Variants in MAGI1 observed in about 807,000 individuals in gnomAD.
The protein encoded by MAGI1 is membrane associated guanylate kinase, WW and PDZ domain containing 1.
A neutral mutation model predicts 139.9 loss-of-function variants in MAGI1; 58 were observed. The observed-to-expected ratio is 0.41, with a 90% CI of 0.34 to 0.52. The LOEUF (loss-of-function observed/expected upper bound fraction) is 0.52, where lower values mean the gene tolerates loss of function less well. Among genes scored for constraint, MAGI1 ranks in the 20% least tolerant of loss-of-function variants. MAGI1 has a pLI of 0.12. For synonymous variants in MAGI1, 812 were observed against 737.9 expected, an observed-to-expected ratio of 1.10 and a Z score of -1.63; for missense variants, 1,874 against 1,901.6, an observed-to-expected ratio of 0.99 and a Z score of 0.27.
chr3:65,443,621 T>G (rs186661938), intron 7 of MAGI1, among the ~76,000 whole-genome samples: 1 of 152,328 alleles, frequency 6.6e-6, no homozygotes, highest in Admixed American at 6.5e-5. Context: ...CAAGAATCTG[T>G]TGTGGAAAGG....
At chr3:65,389,549 G>A (rs767208115) in intron 14 of MAGI1, among the ~76,000 whole-genome samples, 5 of 152,154 alleles carry the variant, frequency 3.3e-5, no homozygotes, top group East Asian at 1.9e-4. Flanking sequence ...AGAGAAATGC[G>A]CGGGGAATGT....
chr3:65,392,413 T>C (rs529518436), intron 13 of MAGI1, among the ~76,000 whole-genome samples: 27 of 152,202 alleles, frequency 1.8e-4, no homozygotes, highest in Non-Finnish European at 2.6e-4. Flanking sequence ...CATGTCACTA[T>C]ACTTAGCTGA....
intron 1 of MAGI1, among the ~76,000 whole-genome samples, chr3:65,814,576 T>C (rs1397425216): frequency 6.6e-6 from 1 of 152,182 alleles, no homozygotes; most frequent in Non-Finnish European, 1.5e-5. Context: ...TTTTTTGTTC[T>C]GTTTTGTTTT....
intron 1 of MAGI1, among the ~76,000 whole-genome samples, chr3:65,863,582 G>A (rs1240310790): frequency 2.0e-5 from 3 of 152,156 alleles, no homozygotes; most frequent in Non-Finnish European, 4.4e-5. Context: ...TTTGTTGACA[G>A]CCCTGGTTGA....
intron 1 of MAGI1, among the ~76,000 whole-genome samples, chr3:65,631,074 G>C (rs1201408887): frequency 6.6e-6 from 1 of 152,208 alleles, no homozygotes; most frequent in Non-Finnish European, 1.5e-5. Context: ...GAAGTCAGAA[G>C]AAGCCAGTAG....
intron 1 of MAGI1, among the ~76,000 whole-genome samples, chr3:65,845,257 A>T (rs1313560902): frequency 6.6e-6 from 1 of 151,950 alleles, no homozygotes; most frequent in African/African-American, 2.4e-5. Flanking sequence ...ATCTCAAAAA[A>T]AAAAAGAGAA....
chr3:66,002,578 C>T (rs1042571617), intron 1 of MAGI1, among the ~76,000 whole-genome samples: 1 of 152,096 alleles, frequency 6.6e-6, no homozygotes, highest in African/African-American at 2.4e-5. Context: ...TACAGTGGCG[C>T]GATCTCGACT....
chr3:65,610,701 A>G (rs2083003675), intron 2 of MAGI1, among the ~76,000 whole-genome samples: 1 of 128,280 alleles, frequency 7.8e-6, no homozygotes, highest in Admixed American at 8.2e-5. Context: ...ACGGGAAAGG[A>G]GAAAAACGTC....
intron 2 of MAGI1, chr3:65,619,864 T>C (rs2083574615): frequency 2.0e-6 from 2 of 985,174 alleles, no homozygotes; most frequent in African/African-American, 1.7e-5. Context: ...TTTTCTCTTT[T>C]AGTAGGAACA....
intron 2 of MAGI1, among the ~76,000 whole-genome samples, chr3:65,603,255 T>C (rs1330547506): frequency 6.6e-6 from 1 of 152,180 alleles, no homozygotes; most frequent in Admixed American, 6.5e-5. Context: ...ATATATTTTC[T>C]ACAGGTTCAT....
intron 1 of MAGI1, among the ~76,000 whole-genome samples, chr3:65,694,584 G>C (rs371638056): frequency 6.6e-6 from 1 of 152,202 alleles, no homozygotes; most frequent in African/African-American, 2.4e-5. Context: ...GACTTAATCA[G>C]GACAGTTTCG....
chr3:65,443,302 A>C (rs1199854840), intron 7 of MAGI1, among the ~76,000 whole-genome samples: 6 of 152,184 alleles, frequency 3.9e-5, no homozygotes, highest in African/African-American at 1.4e-4. Context: ...TAAAATCTGC[A>C]TGTTATCTTC....
rs1949130143 is a variant in MAGI1, at chr3:65,452,978, C to G, written c.1042+280G>C. On this transcript the variant is annotated intron_variant, in intron 6 of 22. Coordinates refer to ENST00000402939, the MANE Select transcript of MAGI1 (RefSeq NM_001033057.2). Reference sequence around the variant, plus strand: ...ACTTTCTAGAATTTACTCTAAGTTCCTGAAGACAGAGGACGTATCTTCATT... The same window carrying G: ...ACTTTCTAGAATTTACTCTAAGTTCGTGAAGACAGAGGACGTATCTTCATT... 3.7e-5 allele frequency: 12 copies of G among 322,626 alleles called. No individual in the cohort carries two copies. In the South Asian group the frequency reaches 7.4e-4, roughly 20 times the overall value. The allele number at this position is 322,626 out of a possible 1,614,324, so 20.0% of individuals were successfully genotyped here.
At chr3:65,468,739 T>C (rs1228455024) in intron 5 of MAGI1, among the ~76,000 whole-genome samples, 1 of 151,980 alleles carries the variant, frequency 6.6e-6, no homozygotes, top group Admixed American at 6.6e-5. Flanking sequence ...AGAAAAATCA[T>C]ACTACCTAAT....
intron 1 of MAGI1, among the ~76,000 whole-genome samples, chr3:65,749,216 G>C (rs1364695003): frequency 6.6e-6 from 1 of 152,162 alleles, no homozygotes; most frequent in Non-Finnish European, 1.5e-5. Flanking sequence ...TAAATGAAGA[G>C]AGTGCCCAAT....
chr3:66,032,931 AAAAC>A (rs1441211818), intron 1 of MAGI1, among the ~76,000 whole-genome samples: 5 of 150,702 alleles, frequency 3.3e-5, no homozygotes, highest in East Asian at 2.0e-4. Context: ...AAAAAAAAAA[AAAAC>A]AACAACAACA....
At chr3:65,812,458 T>TCACACACACACACACACACACA (rs779884222) in intron 1 of MAGI1, among the ~76,000 whole-genome samples, 1 of 101,620 alleles carries the variant, frequency 9.8e-6, no homozygotes, top group Non-Finnish European at 1.9e-5. Flanking sequence ...TCTCTCTCTC[T>TCACACACACACACACACACACA]CTCTCTCTCT....
At position 65,356,902 on chromosome 3, in the gene MAGI1, GT is replaced by G; in HGVS notation, c.3864del (p.Lys1288AsnfsTer147). On this transcript the variant is annotated frameshift_variant, in exon 23 of 23. Transcript: ENST00000402939. LOFTEE classifies it low-confidence loss of function (END_TRUNC). ...EHHTWNGTSR[K>X]PDSGACRPKD... is the part of the protein sequence containing the mutation. ...TTGGGTCGGCATGCCCCGCTGTCGG[GT>G]TTCCTCGAAGTCCCATTCCAGGTGT... 2 of 1,614,160 alleles carry G rather than the reference GT, an allele frequency of 1.2e-6. No individual in the cohort carries two copies. The highest frequency in any genetic ancestry group is 1.7e-6 in the Non-Finnish European group (2 of 1,180,004).
intron 1 of MAGI1, among the ~76,000 whole-genome samples, chr3:65,999,290 T>C (rs1168076180): frequency 2.0e-5 from 3 of 152,098 alleles, no homozygotes; most frequent in Admixed American, 2.0e-4. Flanking sequence ...AATGAAATTA[T>C]AATTTAGGGG....
Sources: allele counts gnomAD v4.1 joint callset (sites outside exome capture counted in the v4.1 genomes callset), GRCh38; gene constraint gnomAD v4.1.1; transcripts MANE v1.5; gene names NCBI Gene and HGNC (gene_info 2026-07-23, HGNC 2026-07-21).